ROBO2: variants seen among roughly 807,000 people sequenced by gnomAD.
ROBO2 encodes roundabout homolog 2.
ROBO2 carries 53 observed loss-of-function variants against 160.8 expected under a neutral mutation model. The ratio of observed to expected loss-of-function variants is 0.33; its 90% CI spans 0.26 to 0.41. ROBO2 has a LOEUF of 0.41. Ranked by LOEUF, ROBO2 falls within the 10% of genes least tolerant of loss-of-function variation. ROBO2 has a pLI of 1.00. For synonymous variants in ROBO2, 664 were observed against 611.7 expected (o/e 1.09, Z -1.26); for missense variants, 1,577 against 1,722.4 (o/e 0.92, Z 1.49).
intron 2 of ROBO2, among the ~76,000 whole-genome samples, chr3:76,339,936 T>C (rs985291207): frequency 6.6e-6 from 1 of 152,088 alleles, no homozygotes; most frequent in African/African-American, 2.4e-5. Context: ...ACATATAATC[T>C]GGGGGAATTT....
In ROBO2 at chr3:77,254,993, G is replaced by A. The variant is rs552789885; in HGVS notation, c.388+156653G>A. ...CTTTTCTGAGAGGGAAACGTATTCC[G>A]AAATGTAAAGTTTAAACTGTGCTGT... is the stretch of plus-strand genomic sequence containing the variant. On this transcript the variant is annotated intron_variant, in intron 2 of 25. Coordinates refer to ENST00000461745, the Ensembl canonical transcript of ROBO2. Among the ~76,000 whole-genome samples, 26 of 152,294 alleles carry A rather than the reference G, an allele frequency of 1.7e-4. 1 individual carries two copies. The South Asian group carries it at 4.3e-3, about 25-fold the overall frequency.
At chr3:77,336,998 A>G (rs1224913243) in intron 2 of ROBO2, among the ~76,000 whole-genome samples, 2 of 152,196 alleles carry the variant, frequency 1.3e-5, no homozygotes, top group African/African-American at 4.8e-5. Context: ...TCTGGAAATA[A>G]ATACGAGTTC....
chr3:77,601,246 G>A (rs994016085), intron 19 of ROBO2, among the ~76,000 whole-genome samples: 7 of 152,136 alleles, frequency 4.6e-5, no homozygotes, highest in African/African-American at 1.7e-4. Context: ...CAAGTCCCAT[G>A]AAATGAAGCT....
At chr3:76,795,309 A>G (rs1349075898) in intron 2 of ROBO2, among the ~76,000 whole-genome samples, 4 of 152,114 alleles carry the variant, frequency 2.6e-5, no homozygotes, top group Non-Finnish European at 5.9e-5. Flanking sequence ...TTCCTTTCAC[A>G]GAATAATTCT....
chr3:75,930,849 A>G (rs746773893), intron 1 of ROBO2, among the ~76,000 whole-genome samples: 1 of 152,218 alleles, frequency 6.6e-6, no homozygotes, highest in African/African-American at 2.4e-5. Context: ...CAGTGTCCCC[A>G]GCCTAGCCAG....
At chr3:76,503,000 A>ATGTGTG (rs76969660) in intron 2 of ROBO2, among the ~76,000 whole-genome samples, 476 of 143,138 alleles carry the variant, frequency 3.3e-3, no homozygotes, top group African/African-American at 7.6e-3. Flanking sequence ...ATATATATAT[A>ATGTGTG]TGTGTGTGTG....
chr3:77,644,906 T>A lies in ROBO2; in HGVS notation c.4135+2T>A. ...AAGGACAGTTTACAGGTGAATTATG[T>A]AAGTGCTTAGGTCATTTAAAAGGCT... On this transcript the variant is annotated splice_donor_variant, in intron 25 of 25. Transcript: ENST00000461745. LOFTEE classifies it high-confidence loss of function. 1 of 1,613,770 alleles carries A rather than the reference T, an allele frequency of 6.2e-7. No individual in the cohort carries two copies. Among genetic ancestry groups the A allele is most frequent in the Middle Eastern group, 1.6e-4 (1 of 6,062 alleles).
chr3:76,042,427 G>A (rs1245692707), intron 2 of ROBO2, among the ~76,000 whole-genome samples: 1 of 151,990 alleles, frequency 6.6e-6, no homozygotes, highest in Non-Finnish European at 1.5e-5. Flanking sequence ...AAGACTATGT[G>A]ACACTTAGGA....
chr3:77,349,889 A>G (rs2068111538), intron 2 of ROBO2, among the ~76,000 whole-genome samples: 1 of 152,052 alleles, frequency 6.6e-6, no homozygotes, highest in Admixed American at 6.6e-5. Flanking sequence ...CTGCCTGTCT[A>G]TAGAAGAAAA....
At chr3:76,534,145 C>T (rs2082370480) in intron 2 of ROBO2, among the ~76,000 whole-genome samples, 1 of 151,990 alleles carries the variant, frequency 6.6e-6, no homozygotes, top group South Asian at 2.1e-4. Flanking sequence ...CGATGTCTCT[C>T]AGGACTGCTT....
intron 2 of ROBO2, among the ~76,000 whole-genome samples, chr3:76,658,820 T>A (rs564083451): frequency 6.5e-4 from 99 of 152,332 alleles, no homozygotes; most frequent in African/African-American, 2.3e-3. Flanking sequence ...GTTTCTTGAG[T>A]CATATCTTTT....
intron 2 of ROBO2, among the ~76,000 whole-genome samples, chr3:77,388,122 A>G (rs1017082460): frequency 2.0e-5 from 3 of 148,940 alleles, no homozygotes; most frequent in African/African-American, 7.5e-5. Flanking sequence ...TCCAAACTCC[A>G]TTCTCATAGA....
chr3:77,064,912 A>G (rs1578660314), intron 1 of ROBO2, among the ~76,000 whole-genome samples: 2 of 152,284 alleles, frequency 1.3e-5, no homozygotes, highest in Middle Eastern at 6.8e-3. Context: ...ACCAAGGAAT[A>G]TGGAGGTCTT....
intron 2 of ROBO2, among the ~76,000 whole-genome samples, chr3:76,153,723 T>G (rs962336046): frequency 7.2e-5 from 11 of 152,134 alleles, no homozygotes; most frequent in African/African-American, 2.2e-4. Flanking sequence ...AAAACATTAT[T>G]CAAATTCCAT....
chr3:77,214,401 C>A (rs1045215700), intron 2 of ROBO2, among the ~76,000 whole-genome samples: 2 of 152,108 alleles, frequency 1.3e-5, no homozygotes, highest in African/African-American at 2.4e-5. Context: ...AGGATTGCAA[C>A]CCCTGCCTTT....
At chr3:76,012,186 TA>T in intron 2 of ROBO2, among the ~76,000 whole-genome samples, 1 of 152,294 alleles carries the variant, frequency 6.6e-6, no homozygotes, top group East Asian at 1.9e-4. Context: ...CATTCTAAAA[TA>T]AAGCCTTTAT....
chr3:76,741,295 T>C (rs370991152), intron 2 of ROBO2, among the ~76,000 whole-genome samples: 3 of 152,206 alleles, frequency 2.0e-5, no homozygotes, highest in East Asian at 3.9e-4. Flanking sequence ...CATGTTCAAC[T>C]TGATGGTTAA....
chr3:76,202,532 G>T (rs1486303720), intron 2 of ROBO2, among the ~76,000 whole-genome samples: 1 of 152,120 alleles, frequency 6.6e-6, no homozygotes, highest in Non-Finnish European at 1.5e-5. Flanking sequence ...ATCAACATTT[G>T]TTGAATTTAT....
At chr3:77,493,301 T>C (rs2086366749) in exon 5 of ROBO2, 3 of 1,614,020 alleles carry the variant, frequency 1.9e-6, no homozygotes, top group Non-Finnish European at 2.5e-6. Flanking sequence ...GAAGAAGCTG[T>C]AGAATTTCGT....
Sources: allele counts gnomAD v4.1 joint callset (sites outside exome capture counted in the v4.1 genomes callset), GRCh38; gene constraint gnomAD v4.1.1; transcripts MANE v1.5; gene names NCBI Gene and HGNC (gene_info 2026-07-23, HGNC 2026-07-21).